OAS1: variants seen among roughly 807,000 people sequenced by gnomAD.
OAS1 encodes 2'-5'-oligoadenylate synthetase 1.
A neutral mutation model predicts 38.5 loss-of-function variants in OAS1; 24 were observed. The observed-to-expected ratio is 0.62, with a 90% CI of 0.45 to 0.88. OAS1 has a LOEUF of 0.88. Ranked by LOEUF, OAS1 falls within the 40% of genes least tolerant of loss-of-function variation. The probability of loss-of-function intolerance (pLI) is 0.00; values close to 1 mark genes in which losing one functional copy is unlikely to be tolerated. For synonymous variants in OAS1, 169 were observed against 193.9 expected (o/e 0.87, Z 1.07); for missense variants, 482 against 493.9 (o/e 0.98, Z 0.23).
At chr12:112,912,678 A>G (rs1411301465) in intron 3 of OAS1, among the ~76,000 whole-genome samples, 1 of 152,182 alleles carries the variant, frequency 6.6e-6, no homozygotes, top group Non-Finnish European at 1.5e-5. Flanking sequence ...TGATGGGAGG[A>G]CATGGGTGCT....
chr12:112,919,598 C>G lies in OAS1; in HGVS notation c.*45C>G. 6.2e-7 allele frequency: 1 copy of G among 1,614,038 alleles called. No individual in the cohort carries two copies. Among genetic ancestry groups the G allele is most frequent in the Non-Finnish European group, 8.5e-7 (1 of 1,179,972 alleles). ...GAAAGGGCTCCAGTGTTATCTGGAC[C>G]AGTTCCTTCATTTTCAGGTGGGACT... On this transcript the variant is annotated 3_prime_UTR_variant, in exon 6 of 6. Coordinates refer to ENST00000202917, the MANE Select transcript of OAS1 (RefSeq NM_016816.4).
intron 5 of OAS1, chr12:112,918,172 A>G (rs2043490059): frequency 5.2e-6 from 1 of 190,970 alleles, no homozygotes; most frequent in African/African-American, 2.4e-5. Flanking sequence ...ACCCAAAAAG[A>G]ATTTTTTCAA....
chr12:112,922,657 T>C (rs964865434), downstream of OAS1, among the ~76,000 whole-genome samples: 4 of 152,182 alleles, frequency 2.6e-5, no homozygotes, highest in Non-Finnish European at 2.9e-5. Flanking sequence ...ACATTCCTTA[T>C]GGCCTCGGGG....
chr12:112,922,600 G>A (rs1348686455), downstream of OAS1, among the ~76,000 whole-genome samples: 1 of 152,094 alleles, frequency 6.6e-6, no homozygotes, highest in Non-Finnish European at 1.5e-5. Flanking sequence ...CTCTTCCCAG[G>A]AGGCCACCAC....
chr12:112,926,070 T>G (rs550405752), intron 6 of OAS1, among the ~76,000 whole-genome samples: 4 of 152,194 alleles, frequency 2.6e-5, no homozygotes, highest in African/African-American at 7.2e-5. Flanking sequence ...TTATGAGAGG[T>G]CCAATCAATA....
intron 1 of OAS1, 71 bp downstream of exon 1, chr12:112,907,290 G>A (rs2043310437): frequency 1.3e-6 from 2 of 1,492,388 alleles, no homozygotes; most frequent in Admixed American, 1.8e-5. Context: ...GAATGAGAGA[G>A]AGAGAGAGAG....
chr12:112,910,416 G>C (rs886795294), intron 2 of OAS1, among the ~76,000 whole-genome samples: 4 of 152,058 alleles, frequency 2.6e-5, no homozygotes, highest in Non-Finnish European at 5.9e-5. Context: ...AAAAAGAAAA[G>C]AAAAGAAAAC....
chr12:112,908,506 A>G (rs1318836039), intron 1 of OAS1, 30 bp from the exon 2 acceptor site: 8 of 1,591,244 alleles, frequency 5.0e-6, no homozygotes, highest in Non-Finnish European at 6.8e-6. Flanking sequence ...CTCACTAAGC[A>G]TCAATTATTA....
chr12:112,911,247 C>T lies in OAS1; in HGVS notation c.654+12C>T. The T allele has an allele frequency of 6.2e-7, 1 of 1,606,722 alleles. No individual in the cohort carries two copies. Among genetic ancestry groups the T allele is most frequent in the Non-Finnish European group, 8.5e-7 (1 of 1,175,972 alleles). The stretch of plus-strand genomic sequence containing the variant: ...ACTGGTACCAAAATGTATGGCCCTC[C>T]CACCAGGCCTGGTGGGTCCTGTCTC... On this transcript the variant is annotated intron_variant, in intron 3 of 5. Transcript: ENST00000202917.
chr12:112,916,704 GA>G lies in OAS1; in HGVS notation c.854del (p.Lys285SerfsTer3). On this transcript the variant is annotated frameshift_variant, in exon 4 of 6. Transcript: ENST00000202917. LOFTEE classifies it high-confidence loss of function. ...KYYDFKNPIIEKYLRRQLTKP... is the reference protein window; with the variant it reads ...KYYDFKNPIIXKYLRRQLTKP... Reference sequence around the variant, plus strand: ...TTATGACTTTAAAAACCCCATTATTGAAAAGTACCTGAGAAGGCAGCTCACG... The same window carrying G: ...TTATGACTTTAAAAACCCCATTATTGAAAGTACCTGAGAAGGCAGCTCACG... The G allele has an allele frequency of 1.9e-6, 3 of 1,614,090 alleles. No homozygotes were observed. Among genetic ancestry groups the G allele is most frequent in the Non-Finnish European group, 2.5e-6 (3 of 1,180,004 alleles).
intron 2 of OAS1, 103 bp from the exon 3 acceptor site, chr12:112,910,948 A>G (rs533262444): frequency 2.6e-5 from 28 of 1,091,564 alleles, no homozygotes; most frequent in South Asian, 6.2e-5. Context: ...GGTCTGCTGC[A>G]CTTTTCAATC....
intron 5 of OAS1, 81 bp from the exon 6 acceptor site, chr12:112,919,308 A>C: frequency 7.8e-7 from 1 of 1,279,024 alleles, no homozygotes; most frequent in Non-Finnish European, 1.1e-6. Context: ...GGCATGTCAC[A>C]GTGTCTACCG....
At chr12:112,924,465 T>TA (rs1201216126), downstream of OAS1, among the ~76,000 whole-genome samples, 8 of 65,090 alleles carry the variant, frequency 1.2e-4, no homozygotes, top group African/African-American at 7.5e-4. Flanking sequence ...ACATCTATAT[T>TA]TTATATATAT....
intron 5 of OAS1, 47 bp downstream of exon 5, chr12:112,917,747 A>C: frequency 6.2e-7 from 1 of 1,614,098 alleles, no homozygotes; most frequent in African/African-American, 1.3e-5. Context: ...GCCCCTCTCC[A>C]TGAAGCTTGA....
intron 2 of OAS1, among the ~76,000 whole-genome samples, chr12:112,909,623 C>G (rs2043348464): frequency 6.6e-6 from 1 of 152,160 alleles, no homozygotes; most frequent in Non-Finnish European, 1.5e-5. Context: ...CACGAATGTA[C>G]CACTGCACTC....
intron 6 of OAS1, among the ~76,000 whole-genome samples, chr12:112,930,836 C>G (rs2043592536): frequency 6.6e-6 from 1 of 152,238 alleles, no homozygotes; most frequent in African/African-American, 2.4e-5. Flanking sequence ...TGTCCCACAC[C>G]CTGACGTCAC....
chr12:112,917,527 C>T lies in OAS1; in HGVS notation c.885-20C>T. On this transcript the variant is annotated intron_variant, in intron 4 of 5. Transcript: ENST00000202917. ...GAGCCCCAGCTTCTCACCTGTCCCTCTCTAAATGCTGCTCTGCAGGCCTGT... is the reference window on the plus strand; with the variant it reads ...GAGCCCCAGCTTCTCACCTGTCCCTTTCTAAATGCTGCTCTGCAGGCCTGT... 3.7e-6 allele frequency: 6 copies of T among 1,613,686 alleles called. No individual in the cohort carries two copies. Among genetic ancestry groups the T allele is most frequent in the African/African-American group, 1.3e-5 (1 of 75,032 alleles).
chr12:112,923,227 A>G (rs1191930694), downstream of OAS1, among the ~76,000 whole-genome samples: 1 of 152,190 alleles, frequency 6.6e-6, no homozygotes, highest in Non-Finnish European at 1.5e-5. Flanking sequence ...CCTGATTTCA[A>G]TTCTTTTGGA....
chr12:112,928,465 G>T (rs969080886), intron 6 of OAS1, among the ~76,000 whole-genome samples: 1 of 152,228 alleles, frequency 6.6e-6, no homozygotes, highest in Non-Finnish European at 1.5e-5. Flanking sequence ...AAACAACTGT[G>T]AAGTGATTGA....
Sources: gnomAD v4.1 joint callset for allele counts (sites outside exome capture counted in the v4.1 genomes callset) on GRCh38, gnomAD v4.1.1 for gene constraint, MANE v1.5 for transcripts, NCBI Gene and HGNC (gene_info 2026-07-23, HGNC 2026-07-21) for gene names.